Variants in RAD18 observed in about 807,000 individuals in gnomAD.
RAD18 encodes the protein E3 ubiquitin-protein ligase RAD18.
Under a neutral mutation model 60.4 loss-of-function variants are expected in RAD18, and 47 were observed. The observed-to-expected ratio is 0.78, with a 90% CI of 0.62 to 0.99. The LOEUF (loss-of-function observed/expected upper bound fraction) is 0.99. Ranked by LOEUF, RAD18 falls within the 50% of genes least tolerant of loss-of-function variation. The pLI, the probability that RAD18 is intolerant of heterozygous loss-of-function variation, is 0.00. For missense variants in RAD18, 640 were observed against 593.3 expected, an observed-to-expected ratio of 1.08 and a Z score of -0.82; for synonymous variants, 225 against 195.5, an observed-to-expected ratio of 1.15 and a Z score of -1.26.
chr3:8,892,493 C>T (rs948652354), intron 11 of RAD18, among the ~76,000 whole-genome samples: 2 of 152,164 alleles, frequency 1.3e-5, no homozygotes, highest in Non-Finnish European at 2.9e-5. Context: ...TTATTTAGAA[C>T]ACCTGCAATT....
Position 8,877,794 on chromosome 3 carries a change from G to A in RAD18, c.*3563C>T, listed in dbSNP as rs1470658796. 6.6e-6 allele frequency: 1 copy of A among 152,110 alleles called. No homozygotes were observed. The allele number at this position is 152,110 out of a possible 1,614,324, so 9.4% of individuals were successfully genotyped here. A position where few individuals can be genotyped will look rare whatever the true frequency, so the allele number is the denominator to read the frequency against. Reference sequence around the variant, plus strand: ...TGAAGGAAGGAAGGACAGGAAGAGTGGAAAGGAAAGAAAGGTAAGGGGAAA... The same window carrying A: ...TGAAGGAAGGAAGGACAGGAAGAGTAGAAAGGAAAGAAAGGTAAGGGGAAA... On this transcript the variant is annotated 3_prime_UTR_variant, in exon 13 of 13. Transcript: ENST00000264926.
intron 11 of RAD18, among the ~76,000 whole-genome samples, chr3:8,898,109 G>A (rs1388991449): frequency 2.6e-5 from 4 of 152,074 alleles, no homozygotes; most frequent in African/African-American, 9.7e-5. Context: ...AGAAACAAAG[G>A]AAGAGCTTTA....
At chr3:8,943,665 C>A (rs1048136707) in intron 4 of RAD18, among the ~76,000 whole-genome samples, 2 of 151,886 alleles carry the variant, frequency 1.3e-5, no homozygotes, top group Non-Finnish European at 1.5e-5. Context: ...AAAAAATCAA[C>A]CCATAGATTC....
At chr3:8,908,269 A>G (rs1016549390) in intron 9 of RAD18, among the ~76,000 whole-genome samples, 1 of 139,240 alleles carries the variant, frequency 7.2e-6, no homozygotes, top group African/African-American at 3.1e-5. Flanking sequence ...TATTCACTTT[A>G]AGCATTTTTT....
chr3:8,900,918 A>C (rs1179053452), intron 10 of RAD18, among the ~76,000 whole-genome samples: 1 of 152,176 alleles, frequency 6.6e-6, no homozygotes, highest in Admixed American at 6.5e-5. Context: ...GATATTCAAG[A>C]GAGGTTCAAC....
In RAD18 at chr3:8,941,399, C is replaced by A. The variant is rs377399460; in HGVS notation, c.604+68G>T. On this transcript the variant is annotated intron_variant, in intron 5 of 12. Transcript: ENST00000264926. Reference sequence around the variant, plus strand: ...CATTCCTTCCCCCTCAAAGATGCTGCCTATTTATTCTTATGTCATGTGGAT... The same window carrying A: ...CATTCCTTCCCCCTCAAAGATGCTGACTATTTATTCTTATGTCATGTGGAT... The A allele has an allele frequency of 4.5e-6, 6 of 1,334,700 alleles. No homozygotes were observed. In the African/African-American group the frequency reaches 8.9e-5, roughly 20 times the overall value. The allele number at this position is 1,334,700 out of a possible 1,614,324, so 82.7% of individuals were successfully genotyped here. A position where few individuals can be genotyped will look rare whatever the true frequency, so the allele number is the denominator to read the frequency against.
Position 8,963,356 on chromosome 3 carries a change from A to T in RAD18, c.30T>A (p.Pro10=). 1 of 1,610,492 alleles carries T rather than the reference A, an allele frequency of 6.2e-7. No homozygotes were observed. Among genetic ancestry groups the T allele is most frequent in the Non-Finnish European group, 8.5e-7 (1 of 1,178,356 alleles). The part of the protein sequence containing the change: MDSLAESRW[P]PGLAVMKTID... ...TCACCTTCATGACTGCCAGGCCCGG[A>T]GGCCACCGAGACTCGGCCAGGGAGT... Residue 10 remains proline, a synonymous_variant, in exon 1 of 13, where the codon CCT becomes CCA. Coordinates refer to ENST00000264926, the MANE Select transcript of RAD18 (RefSeq NM_020165.4).
chr3:8,925,995 C>A (rs1380342149), intron 7 of RAD18, among the ~76,000 whole-genome samples: 1 of 151,750 alleles, frequency 6.6e-6, no homozygotes, highest in Non-Finnish European at 1.5e-5. Context: ...CCTTTGAAAA[C>A]TGGCACAAGA....
intron 10 of RAD18, 54 bp from the exon 11 acceptor site, chr3:8,899,101 A>G: frequency 2.2e-6 from 3 of 1,393,546 alleles, no homozygotes; most frequent in Non-Finnish European, 2.9e-6. Context: ...CTGTATGCCT[A>G]TTACTTCTGC....
chr3:8,922,226 G>T (rs1462976576), intron 7 of RAD18, among the ~76,000 whole-genome samples: 1 of 152,204 alleles, frequency 6.6e-6, no homozygotes, highest in East Asian at 1.9e-4. Context: ...GGAAAATTGG[G>T]TCACTCCCAC....
intron 7 of RAD18, among the ~76,000 whole-genome samples, chr3:8,927,398 A>T (rs1181773504): frequency 6.6e-6 from 1 of 152,228 alleles, no homozygotes; most frequent in African/African-American, 2.4e-5. Context: ...GTCATTAAAA[A>T]GTCAGGAAAC....
chr3:8,918,519 T>C (rs999522364), intron 7 of RAD18, among the ~76,000 whole-genome samples: 1 of 152,050 alleles, frequency 6.6e-6, no homozygotes, highest in Non-Finnish European at 1.5e-5. Flanking sequence ...CAGACAACTA[T>C]AAGAGAACTC....
intron 7 of RAD18, among the ~76,000 whole-genome samples, chr3:8,922,770 T>A (rs1028443330): frequency 2.6e-5 from 4 of 152,144 alleles, no homozygotes; most frequent in African/African-American, 9.7e-5. Flanking sequence ...ATATTTGCTG[T>A]TCTGCAGCCT....
In RAD18 at chr3:8,941,468, T is replaced by G. The variant is rs752890457; in HGVS notation, c.603A>C (p.Lys201Asn). The stretch of plus-strand genomic sequence containing the variant: ...CCACATATGAAAATAACTTCCTACC[T>G]TTAGTAACTTGTTTCAAAGTGGATG... ...PSTSTLKQVT[K>N]VDCPVCGVNI... is the part of the protein sequence containing the mutation. The change falls in exon 5 of 13, where the codon AAA becomes AAC. Residue 201 changes from lysine (K) to asparagine (N), a missense_variant and splice_region_variant. Lys to Asn is a moderately conservative substitution (Grantham distance 94, BLOSUM62 0). Transcript: ENST00000264926. 3.1e-6 allele frequency: 5 copies of G among 1,590,300 alleles called. No individual in the cohort carries two copies. In the African/African-American group the frequency reaches 6.7e-5, roughly 21 times the overall value.
chr3:8,941,936 CA>C (rs1390459559), intron 4 of RAD18, 132 bp from the exon 5 acceptor site: 1 of 801,788 alleles, frequency 1.2e-6, no homozygotes, highest in African/African-American at 1.7e-5. Context: ...ACAACCAAAC[CA>C]AAGTTTCTTC....
intron 7 of RAD18, among the ~76,000 whole-genome samples, chr3:8,922,055 A>C (rs580697): frequency 6.6e-6 from 1 of 151,986 alleles, no homozygotes; most frequent in African/African-American, 2.4e-5. Flanking sequence ...CTGAGGTACC[A>C]GGTTCATCTC....
chr3:8,897,030 A>G (rs657173), intron 11 of RAD18, among the ~76,000 whole-genome samples: 129,275 of 152,170 alleles, frequency 0.85, 55,267 homozygotes, highest in African/African-American at 0.93. Flanking sequence ...AAGTTCAAAA[A>G]AGAATTAAAC....
intron 7 of RAD18, among the ~76,000 whole-genome samples, chr3:8,914,214 G>C (rs1940157799): frequency 6.6e-6 from 1 of 152,174 alleles, no homozygotes; most frequent in African/African-American, 2.4e-5. Context: ...ACATAAAAGA[G>C]ATCTGGAATA....
At chr3:8,918,436 G>C (rs1162661196) in intron 7 of RAD18, among the ~76,000 whole-genome samples, 1 of 150,878 alleles carries the variant, frequency 6.6e-6, no homozygotes, top group African/African-American at 2.4e-5. Context: ...ACATTAAAAA[G>C]TATTTCTTCT....
Sources: gnomAD v4.1 joint callset for allele counts (sites outside exome capture counted in the v4.1 genomes callset) on GRCh38, gnomAD v4.1.1 for gene constraint, MANE v1.5 for transcripts, NCBI Gene and HGNC (gene_info 2026-07-23, HGNC 2026-07-21) for gene names.